The following NUP214 variants were observed in gnomAD, a reference collection of about 807,000 sequenced individuals.
The protein encoded by NUP214 is nucleoporin 214, also known as nuclear pore complex protein Nup214.
NUP214 carries 79 observed loss-of-function variants against 196.2 expected under a neutral mutation model. The observed-to-expected ratio is 0.40, with a 90% CI of 0.34 to 0.49. NUP214 has a LOEUF of 0.49. NUP214 is among the 20% of genes least tolerant of loss of function. The probability of loss-of-function intolerance (pLI) is 0.58; values close to 1 mark genes in which losing one functional copy is unlikely to be tolerated. For synonymous variants in NUP214, 1,020 were observed against 990.5 expected (o/e 1.03, Z -0.56); for missense variants, 2,468 against 2,539.0 (o/e 0.97, Z 0.60).
intron 27 of NUP214, chr9:131,193,801 AC>A (rs906631930): frequency 4.0e-5 from 6 of 150,340 alleles, no homozygotes; most frequent in Non-Finnish European, 8.9e-5. Context: ...ACAGGTGTGC[AC>A]CACCACACCC....
chr9:131,202,606 T>C (rs1367787876), intron 30 of NUP214, among the ~76,000 whole-genome samples: 3 of 151,466 alleles, frequency 2.0e-5, no homozygotes, highest in African/African-American at 7.3e-5. Context: ...TTTTTCTTTT[T>C]GTGTTTTTGG....
intron 28 of NUP214, among the ~76,000 whole-genome samples, chr9:131,195,902 A>G (rs537099085): frequency 4.0e-5 from 6 of 151,574 alleles, no homozygotes; most frequent in African/African-American, 7.3e-5. Flanking sequence ...GCGCATACCT[A>G]TAATCCCAGC....
intron 3 of NUP214, chr9:131,128,953 T>G (rs1456397615): frequency 2.8e-6 from 1 of 354,864 alleles, no homozygotes; most frequent in Non-Finnish European, 5.3e-6. Context: ...AGAGTTTAAG[T>G]AACTGTCCAA....
rs544125208 is a variant in NUP214, at chr9:131,212,195, TAGTC to T, written c.5593-3014_5593-3011del. 3.9e-3 allele frequency among the ~76,000 whole-genome samples: 597 copies of T among 152,332 alleles called. 6 individuals carry two copies. Among genetic ancestry groups the T allele is most frequent in the African/African-American group, 0.014 (582 of 41,576 alleles). On this transcript the variant is annotated intron_variant, in intron 30 of 35. Transcript: ENST00000359428. ...TGGGAAATTCCTGCCTAGTAAATTT[TAGTC>T]AGACCGATTGTCTGCTCTCAAACCC...
Position 131,197,392 on chromosome 9 carries a change from G to A in NUP214, c.3898G>A (p.Gly1300Arg), listed in dbSNP as rs752664397. The A allele has an allele frequency of 1.2e-6, 2 of 1,614,122 alleles. No individual in the cohort carries two copies. The highest frequency in any genetic ancestry group is 1.7e-6 in the Non-Finnish European group (2 of 1,180,012). The change falls in exon 29 of 36, where the codon GGA becomes AGA. Residue 1300 changes from glycine to arginine, a missense_variant. Physicochemically the swap from Gly to Arg is moderately radical, Grantham distance 125. Transcript: ENST00000359428. ...ASSSRPVAPS[G>R]TALSTTSSKL... is the part of the protein sequence containing the mutation. ...TAGCAGCAGACCTGTGGCACCTTCT[G>A]GAACTGCTCTTTCCACCACCTCTAG...
At chr9:131,140,431 T>C in intron 10 of NUP214, 118 bp from the exon 11 acceptor site, 1 of 773,912 alleles carries the variant, frequency 1.3e-6, no homozygotes, top group Non-Finnish European at 2.1e-6. Context: ...CAAACTAACT[T>C]GAGCTGCTAT....
intron 3 of NUP214, 189 bp downstream of exon 3, chr9:131,128,672 T>TTTAGCAAGGCTGAAAAGAACACCGA: frequency 3.9e-6 from 2 of 511,588 alleles, no homozygotes; most frequent in Non-Finnish European, 6.7e-6. Flanking sequence ...AGAAATTCTT[T>TTTAGCAAGGCTGAAAAGAACACCGA]CATAACGCCA....
chr9:131,201,254 G>A (rs1244911839), intron 29 of NUP214, among the ~76,000 whole-genome samples: 1 of 151,626 alleles, frequency 6.6e-6, no homozygotes, highest in East Asian at 1.9e-4. Flanking sequence ...GGATCATGAG[G>A]TCAAGAGATC....
chr9:131,146,270 G>A lies in NUP214; in HGVS notation c.1911G>A (p.Val637=). 1 of 1,614,100 alleles carries A rather than the reference G, an allele frequency of 6.2e-7. No homozygotes were observed. The highest frequency in any genetic ancestry group is 1.1e-5 in the South Asian group (1 of 91,078). ...CTCTCTCAGCACCACCTAGTTCCGT[G>A]CCATTGAAGTCCTCAGTCTTGCCCT... is the stretch of plus-strand genomic sequence containing the variant. ...PTPLSAPPSS[V]PLKSSVLPSP... Residue 637 remains valine (V), a synonymous_variant, in exon 13 of 36, where the codon GTG becomes GTA. Transcript: ENST00000359428. The surrounding 1 kb of genome is among the most constrained non-coding windows in gnomAD (Gnocchi z 4.6).
intron 14 of NUP214, among the ~76,000 whole-genome samples, chr9:131,147,792 A>C (rs551075024): frequency 1.3e-5 from 2 of 152,378 alleles, no homozygotes; most frequent in Admixed American, 6.5e-5. Flanking sequence ...TTCATGTATA[A>C]TACAAATAGA....
chr9:131,225,901 A>T (rs1834706463), intron 32 of NUP214, among the ~76,000 whole-genome samples: 1 of 152,300 alleles, frequency 6.6e-6, no homozygotes, highest in East Asian at 1.9e-4. Context: ...TCATCCGGGG[A>T]GAGGACAGGA....
chr9:131,229,857 G>A (rs987390755), intron 33 of NUP214: 7 of 467,848 alleles, frequency 1.5e-5, no homozygotes, highest in Non-Finnish European at 4.2e-6. Flanking sequence ...CAGAGTTTTA[G>A]ATACTTTTTC....
intron 18 of NUP214, among the ~76,000 whole-genome samples, chr9:131,162,688 A>T (rs946443037): frequency 1.3e-5 from 2 of 151,858 alleles, no homozygotes; most frequent in African/African-American, 4.8e-5. Context: ...CTGGTTCCTG[A>T]CTCACACCTC....
intron 7 of NUP214, 57 bp downstream of exon 7, chr9:131,133,266 C>CCTCCAGCTTTAT: frequency 4.7e-6 from 5 of 1,067,256 alleles, no homozygotes; most frequent in Non-Finnish European, 6.6e-6. Context: ...TCTAATAAAG[C>CCTCCAGCTTTAT]TGGAGGCTTT....
At chr9:131,178,951 T>G (rs1833191082) in intron 24 of NUP214, among the ~76,000 whole-genome samples, 1 of 152,082 alleles carries the variant, frequency 6.6e-6, no homozygotes, top group African/African-American at 2.4e-5. Flanking sequence ...CACTTGTTTT[T>G]TTGGTGGTGG....
chr9:131,206,426 A>AT (rs1393710819), intron 30 of NUP214, among the ~76,000 whole-genome samples: 1 of 151,326 alleles, frequency 6.6e-6, no homozygotes, highest in African/African-American at 2.4e-5. Context: ...GATTAGAGAC[A>AT]TGAGCCACTG....
chr9:131,222,728 G>GT, intron 31 of NUP214, 50 bp from the exon 32 acceptor site: 1 of 1,579,082 alleles, frequency 6.3e-7, no homozygotes, highest in Non-Finnish European at 8.6e-7. Flanking sequence ...TGAGAAGCAG[G>GT]TAAGGACATT....
At chr9:131,139,837 G>A (rs1428675206) in intron 10 of NUP214, among the ~76,000 whole-genome samples, 2 of 152,184 alleles carry the variant, frequency 1.3e-5, no homozygotes, top group Admixed American at 6.5e-5. Context: ...TCAGGCCCAT[G>A]GTTTCCAAAT....
Position 131,222,870 on chromosome 9 carries a change from A to G in NUP214, c.5842A>G (p.Ser1948Gly). The G allele has an allele frequency of 6.2e-7, 1 of 1,614,216 alleles. No individual in the cohort carries two copies. The highest frequency in any genetic ancestry group is 8.5e-7 in the Non-Finnish European group (1 of 1,180,036). ...AGAGCAGAAACCCACTGGCACTTTC[A>G]GCTCTGGAGGAGGAAGTGTGGCATC... ...FGEQKPTGTF[S>G]SGGGSVASQG... Residue 1948 changes from serine (S) to glycine (G), a missense_variant, in exon 32 of 36, where the codon AGC becomes GGC. Around this residue, in one of 5 missense-constraint regions of NUP214, gnomAD observed 262 missense variants for 296.5 expected, o/e 0.88. Transcript: ENST00000359428.
Sources: gnomAD v4.1 joint callset for allele counts (sites outside exome capture counted in the v4.1 genomes callset) on GRCh38, gnomAD v4.1.1 for gene constraint, gnomAD v4.1.1 regional missense constraint, Gnocchi (gnomAD v3.1) non-coding constraint, MANE v1.5 for transcripts, NCBI Gene and HGNC (gene_info 2026-07-23, HGNC 2026-07-21) for gene names.